GDF1: variants seen among roughly 807,000 people sequenced by gnomAD.
The protein encoded by GDF1 is growth differentiation factor 1.
A neutral mutation model predicts 7.4 loss-of-function variants in GDF1; 8 were observed. That is an observed-to-expected ratio of 1.09 (90% CI 0.64 to 1.96). GDF1 has a LOEUF of 1.96. Ranked by LOEUF, GDF1 falls within the 30% of genes most tolerant of loss-of-function variation. GDF1 has a pLI of 0.00. For synonymous variants in GDF1, 311 were observed against 276.7 expected (o/e 1.12, Z -1.23); for missense variants, 574 against 551.5 (o/e 1.04, Z -0.41).
intron 2 of GDF1, among the ~76,000 whole-genome samples, chr19:18,893,144 A>T (rs990810948): frequency 2.0e-5 from 3 of 151,718 alleles, no homozygotes; most frequent in Non-Finnish European, 2.9e-5. Flanking sequence ...CGATCTCCTA[A>T]CCTCGTGATC....
chr19:18,874,515 T>C (rs992037936), intron 6 of GDF1, among the ~76,000 whole-genome samples: 1 of 152,002 alleles, frequency 6.6e-6, no homozygotes, highest in Non-Finnish European at 1.5e-5. Context: ...GCAGCAGAGG[T>C]GAAAATGGGA....
chr19:18,875,984 G>A (rs1031271065), intron 6 of GDF1, among the ~76,000 whole-genome samples: 3 of 152,240 alleles, frequency 2.0e-5, no homozygotes, highest in Non-Finnish European at 4.4e-5. Flanking sequence ...ATAAGTTCCT[G>A]TGGTTTTAAG....
At position 18,884,301 on chromosome 19, in the gene GDF1, G is replaced by A. The variant is rs984384106; in HGVS notation, c.-913-34C>T. The A allele has an allele frequency of 1.1e-5, 18 of 1,582,300 alleles. 1 individual carries two copies. In the East Asian group the frequency reaches 1.4e-4, roughly 12 times the overall value. Reference sequence around the variant, plus strand: ...AGCCAAATCTCACAGTCAGGGCCCTGCGAAGCCTCTAGACGATCGCCTCCA... The same window carrying A: ...AGCCAAATCTCACAGTCAGGGCCCTACGAAGCCTCTAGACGATCGCCTCCA... On this transcript the variant is annotated intron_variant, in intron 2 of 7. Coordinates refer to ENST00000247005, the MANE Select transcript of GDF1 (RefSeq NM_001492.6).
At position 18,868,900 on chromosome 19, in the gene GDF1, C is replaced by T. The variant is rs1400848793; in HGVS notation, c.816G>A (p.Leu272=). 1.4e-6 allele frequency: 2 copies of T among 1,404,918 alleles called. No individual in the cohort carries two copies. Among genetic ancestry groups the T allele is most frequent in the Non-Finnish European group, 1.9e-6 (2 of 1,071,150 alleles). 87.0% of individuals were successfully genotyped at this position (1,404,918 alleles called of 1,614,324 possible). A position where few individuals can be genotyped will look rare whatever the true frequency, so the allele number is the denominator to read the frequency against. The change falls in exon 8 of 8, where the codon CTG becomes CTA. Residue 272 remains leucine, a synonymous_variant. Coordinates refer to ENST00000247005, the MANE Select transcript of GDF1 (RefSeq NM_001492.6). ...GPGGACRARR[L]YVSFREVGWH... is the part of the protein sequence containing the mutation. ...AGCCCACCTCGCGGAAGCTCACGTA[C>T]AGCCGCCGCGCGCGACAAGCGCCCC...
Position 18,878,888 on chromosome 19 carries a change from A to C in GDF1, c.-313+42T>G, listed in dbSNP as rs751589780. 6.2e-7 allele frequency: 1 copy of C among 1,605,570 alleles called. No homozygotes were observed. The highest frequency in any genetic ancestry group is 8.5e-7 in the Non-Finnish European group (1 of 1,176,686). On this transcript the variant is annotated intron_variant, in intron 6 of 7. Coordinates refer to ENST00000247005, the MANE Select transcript of GDF1 (RefSeq NM_001492.6). This position sits in a 1 kb window ranked among gnomAD's most constrained non-coding sequence, Gnocchi z 4.6. ...CCACGAACACGCTTGGACGGGTGAC[A>C]CTAAAGGAGGGAACGCGGGGTGCGG...
Position 18,870,216 on chromosome 19 carries a change from A to G in GDF1, c.92T>C (p.Val31Ala), listed in dbSNP as rs1568291627. The G allele has an allele frequency of 6.4e-7, 1 of 1,556,196 alleles. No homozygotes were observed. ...LPSLPLTRAP[V>A]PPGPAAALLQ... ...CAGGGCGGCGGCTGGGCCTGGGGGC[A>G]CGGGGGCGCGGGTCAGGGGCAGCGA... Residue 31 changes from valine (V) to alanine (A), a missense_variant, in exon 7 of 8, where the codon GTG becomes GCG. By Grantham distance (64) the Val-to-Ala change is moderately conservative. Transcript: ENST00000247005. The surrounding 1 kb of genome is among the most constrained non-coding windows in gnomAD (Gnocchi z 5.1).
At position 18,878,080 on chromosome 19, in the gene GDF1, G is replaced by C; in HGVS notation, c.-313+850C>G. On this transcript the variant is annotated intron_variant, in intron 6 of 7. Transcript: ENST00000247005. This position sits in a 1 kb window ranked among gnomAD's most constrained non-coding sequence, Gnocchi z 4.6. ...CTCCCGTTCCAAAAAACGTCACGGA[G>C]CTCTGAGCCACTGCTTCCCTGAAAC... The C allele has an allele frequency of 1.0e-6, 1 of 985,536 alleles. No homozygotes were observed. Among genetic ancestry groups the C allele is most frequent in the Non-Finnish European group, 1.2e-6 (1 of 830,002 alleles). 61.0% of individuals were successfully genotyped at this position (985,536 alleles called of 1,614,324 possible).
At chr19:18,893,776 C>T (rs1278637725) in intron 1 of GDF1, among the ~76,000 whole-genome samples, 1 of 151,888 alleles carries the variant, frequency 6.6e-6, no homozygotes, top group Non-Finnish European at 1.5e-5. Context: ...GCTGTCCGGC[C>T]GCCGCGGTGC....
intron 7 of GDF1, 75 bp downstream of exon 7, chr19:18,869,908 C>A (rs2055934094): frequency 6.9e-7 from 1 of 1,441,756 alleles, no homozygotes; most frequent in South Asian, 1.2e-5. Flanking sequence ...CTCGGGCATC[C>A]CCGGGCCACT....
chr19:18,880,035 C>G (rs543511776), intron 4 of GDF1, among the ~76,000 whole-genome samples: 1 of 151,664 alleles, frequency 6.6e-6, no homozygotes, highest in African/African-American at 2.4e-5. Flanking sequence ...CCTCACCTGG[C>G]TTATCCTTTT....
Position 18,868,935 on chromosome 19 carries a change from C to A in GDF1, c.781G>T (p.Gly261Cys). ...GCGCGACAAGCGCCCCCGGGGCCGC[C>A]GCCCAACACGGGTTCGGCGTCGCGC... The part of the protein sequence containing the change: ...PRRDAEPVLG[G>C]GPGGACRARR... The change falls in exon 8 of 8, where the codon GGC becomes TGC. Residue 261 changes from glycine to cysteine, a missense_variant. Transcript: ENST00000247005. 7.8e-7 allele frequency: 1 copy of A among 1,286,770 alleles called. No homozygotes were observed. Among genetic ancestry groups the A allele is most frequent in the South Asian group, 1.6e-5 (1 of 62,184 alleles). The allele number at this position is 1,286,770 out of a possible 1,614,324, so 79.7% of individuals were successfully genotyped here.
rs1442215765 is a variant in GDF1, at chr19:18,888,534, A to C, written c.-913-4267T>G. Among the ~76,000 whole-genome samples the C allele has an allele frequency of 1.7e-4, 26 of 148,932 alleles. 1 individual carries two copies. Among genetic ancestry groups the C allele is most frequent in the South Asian group, 1.3e-3 (6 of 4,688 alleles). ...CCCTGTCTCTTAAAAAAAAAAAAAA[A>C]AAAAAAAAAAAACAGGCTAGGTGCG... is the stretch of plus-strand genomic sequence containing the variant. On this transcript the variant is annotated intron_variant, in intron 2 of 7. Coordinates refer to ENST00000247005, the MANE Select transcript of GDF1 (RefSeq NM_001492.6).
At chr19:18,872,343 T>G (rs185863919) in intron 6 of GDF1, among the ~76,000 whole-genome samples, 20 of 152,238 alleles carry the variant, frequency 1.3e-4, no homozygotes, top group African/African-American at 3.9e-4. Context: ...CTGTTATCTT[T>G]TTTTCTTGTT....
At position 18,870,891 on chromosome 19, in the gene GDF1, C is replaced by T. The variant is rs549807517; in HGVS notation, c.-312-272G>A. Among the ~76,000 whole-genome samples the T allele has an allele frequency of 2.6e-5, 4 of 152,202 alleles. No individual in the cohort carries two copies. The highest frequency in any genetic ancestry group is 2.1e-4 in the South Asian group (1 of 4,826). On this transcript the variant is annotated intron_variant, in intron 6 of 7. Transcript: ENST00000247005. This position sits in a 1 kb window ranked among gnomAD's most constrained non-coding sequence, Gnocchi z 5.1. The stretch of plus-strand genomic sequence containing the variant: ...CCTCTCCAATTAAACCTTCCTCTTC[C>T]CCTCCTCCCTGCCTCTCCAGGCCGC...
chr19:18,868,678 G>A lies in GDF1; in HGVS notation c.1038C>T (p.Ser346=), dbSNP rs1267736842. Residue 346 remains serine (S), a synonymous_variant, in exon 8 of 8, where the codon TCC becomes TCT. Coordinates refer to ENST00000247005, the MANE Select transcript of GDF1 (RefSeq NM_001492.6). ...TGTCGCTGTTGTCAAAGAAGAGCAC[G>A]GAGATGGGCGACAGGCGCGCGGGCA... ...CCVPARLSPI[S]VLFFDNSDNV... is the part of the protein sequence containing the mutation. The A allele has an allele frequency of 1.9e-5, 30 of 1,571,000 alleles. No homozygotes were observed. The Middle Eastern group carries it at 1.2e-3, about 61-fold the overall frequency.
intron 7 of GDF1, 52 bp downstream of exon 7, chr19:18,869,931 C>T: frequency 1.3e-6 from 2 of 1,521,628 alleles, no homozygotes; most frequent in Non-Finnish European, 1.8e-6. Context: ...CGAGGCTCGC[C>T]CTGCGAGGTC....
intron 2 of GDF1, among the ~76,000 whole-genome samples, chr19:18,890,474 G>A (rs1160330200): frequency 1.3e-5 from 2 of 152,164 alleles, no homozygotes; most frequent in African/African-American, 4.8e-5. Flanking sequence ...ACTTGTGAGT[G>A]TCATTTACAA....
Position 18,869,141 on chromosome 19 carries a change from G to T in GDF1, c.575C>A (p.Pro192Gln). 1 of 1,110,232 alleles carries T rather than the reference G, an allele frequency of 9.0e-7. No individual in the cohort carries two copies. The highest frequency in any genetic ancestry group is 1.1e-6 in the Non-Finnish European group (1 of 909,440). The allele number at this position is 1,110,232 out of a possible 1,614,324, so 68.8% of individuals were successfully genotyped here. ...GCCCAGCAGCTCCGCGCGCACTGGC[G>T]GCCCCAGGGCGGGCACCAACTGGCG... is the stretch of plus-strand genomic sequence containing the variant. ...LLRQLVPALG[P>Q]PVRAELLGAA... The change falls in exon 8 of 8, where the codon CCG becomes CAG. Residue 192 changes from proline (P) to glutamine (Q), a missense_variant. By Grantham distance (76) the Pro-to-Gln change is moderately conservative. Coordinates refer to ENST00000247005, the MANE Select transcript of GDF1 (RefSeq NM_001492.6).
intron 2 of GDF1, 48 bp from the exon 3 acceptor site, chr19:18,884,315 C>G: frequency 6.5e-7 from 1 of 1,541,796 alleles, no homozygotes; most frequent in Non-Finnish European, 8.7e-7. Context: ...AGCCTCTAGA[C>G]GATCGCCTCC....
Sources: allele counts gnomAD v4.1 joint callset (sites outside exome capture counted in the v4.1 genomes callset), GRCh38; gene constraint gnomAD v4.1.1; non-coding constraint Gnocchi (gnomAD v3.1); transcripts MANE v1.5; gene names NCBI Gene and HGNC (gene_info 2026-07-23, HGNC 2026-07-21).